Variants in EMC2 observed in about 807,000 individuals in gnomAD.
EMC2 encodes the protein TPR repeat protein 35.
A neutral mutation model predicts 51.6 loss-of-function variants in EMC2; 37 were observed. That is an observed-to-expected ratio of 0.72 (90% confidence interval 0.55 to 0.94). EMC2 has a LOEUF of 0.94. Among genes scored for constraint, EMC2 ranks in the 40% least tolerant of loss-of-function variants. The probability of loss-of-function intolerance (pLI) is 0.00; values close to 1 mark genes in which losing one functional copy is unlikely to be tolerated. For missense variants in EMC2, 359 were observed against 350.9 expected (o/e 1.02, Z -0.18); for synonymous variants, 131 against 112.4 (o/e 1.17, Z -1.04).
chr8:108,467,441 C>T (rs1470731392), intron 5 of EMC2, among the ~76,000 whole-genome samples: 6 of 152,064 alleles, frequency 3.9e-5, no homozygotes, highest in South Asian at 2.1e-4. Flanking sequence ...CTCCACCTCC[C>T]GGGTTCAGTT....
chr8:108,443,694 G>A lies in EMC2; in HGVS notation c.36G>A (p.Trp12Ter), dbSNP rs542563663. 2 of 1,609,640 alleles carry A rather than the reference G, an allele frequency of 1.2e-6. No homozygotes were observed. The highest frequency in any genetic ancestry group is 1.3e-5 in the African/African-American group (1 of 74,824). ...TCTCAGAGCTTTACGATGTCACTTGGGAAGGTAACTTCGGGTGGGGGCGGG... is the reference window on the plus strand; with the variant it reads ...TCTCAGAGCTTTACGATGTCACTTGAGAAGGTAACTTCGGGTGGGGGCGGG... ...AKVSELYDVT[W>*]EEMRDKMRKW... Residue 12 changes from tryptophan to a stop codon, truncating the protein, a stop_gained, in exon 1 of 11, where the codon TGG (tryptophan) becomes TGA (stop). Transcript: ENST00000220853. LOFTEE classifies it high-confidence loss of function.
chr8:108,447,784 T>C (rs946559123), intron 1 of EMC2, among the ~76,000 whole-genome samples: 1 of 152,104 alleles, frequency 6.6e-6, no homozygotes, highest in Non-Finnish European at 1.5e-5. Context: ...TTACATAGTA[T>C]GTAATAAAAT....
chr8:108,470,082 C>A lies in EMC2; in HGVS notation c.470C>A (p.Ala157Asp). ...ACCAGATTTGTTGGAGACCAAGAAG[C>A]CTGGCATGAACTTGCAGAACTTTAC... The part of the protein sequence containing the change: ...YLEQFVGDQE[A>D]WHELAELYIN... The change falls in exon 7 of 11, where the codon GCC (alanine) becomes GAC (aspartate). Residue 157 changes from alanine to aspartate, a missense_variant. By Grantham distance (126) the Ala-to-Asp change is moderately radical. Coordinates refer to ENST00000220853, the MANE Select transcript of EMC2 (RefSeq NM_014673.5). 6.2e-7 allele frequency: 1 copy of A among 1,612,976 alleles called. No individual in the cohort carries two copies. The highest frequency in any genetic ancestry group is 8.5e-7 in the Non-Finnish European group (1 of 1,179,414).
intron 5 of EMC2, among the ~76,000 whole-genome samples, chr8:108,462,762 A>G (rs1216499009): frequency 1.3e-5 from 2 of 150,778 alleles, no homozygotes; most frequent in Non-Finnish European, 2.9e-5. Context: ...TTTGAGAAGG[A>G]GTCTCGCTCT....
At position 108,488,301 on chromosome 8, in the gene EMC2, C is replaced by T. The variant is rs1249715300; in HGVS notation, c.*1703C>T. ...CTCAGCCTCTGAGTAGCTGGGACTA[C>T]AGGCATGTGCCACCATGCCTGGCTA... On this transcript the variant is annotated 3_prime_UTR_variant, in exon 11 of 11. Coordinates refer to ENST00000220853, the MANE Select transcript of EMC2 (RefSeq NM_014673.5). Among the ~76,000 whole-genome samples the T allele has an allele frequency of 7.2e-5, 11 of 151,798 alleles. No homozygotes were observed. The highest frequency in any genetic ancestry group is 2.2e-4 in the African/African-American group (9 of 41,328).
At chr8:108,458,152 G>A (rs187249671) in intron 5 of EMC2, among the ~76,000 whole-genome samples, 5 of 152,352 alleles carry the variant, frequency 3.3e-5, no homozygotes, top group African/African-American at 1.2e-4. Flanking sequence ...TGCAGGAGGT[G>A]GATTCCTATG....
intron 5 of EMC2, among the ~76,000 whole-genome samples, chr8:108,460,528 TCA>T (rs1257401329): frequency 6.6e-6 from 1 of 152,110 alleles, no homozygotes; most frequent in Non-Finnish European, 1.5e-5. Flanking sequence ...ATGTGATGAG[TCA>T]CAGTCAAAAC....
chr8:108,452,004 A>T (rs1422422032), intron 3 of EMC2, among the ~76,000 whole-genome samples: 1 of 152,196 alleles, frequency 6.6e-6, no homozygotes, highest in East Asian at 1.9e-4. Flanking sequence ...TTACCAGTTA[A>T]TAGTTTCATC....
Position 108,455,857 on chromosome 8 carries a change from T to C in EMC2, c.306-16T>C. ...TAAGGTAATAATTGTAGATGTTTCT[T>C]TTTCTTTTTAAATAGATATGATGAT... is the stretch of plus-strand genomic sequence containing the variant. On this transcript the variant is annotated splice_polypyrimidine_tract_variant and intron_variant, in intron 4 of 10. Transcript: ENST00000220853. The C allele has an allele frequency of 1.0e-6, 1 of 988,254 alleles. No homozygotes were observed. Among genetic ancestry groups the C allele is most frequent in the Non-Finnish European group, 1.5e-6 (1 of 670,270 alleles). 61.2% of individuals were successfully genotyped at this position (988,254 alleles called of 1,614,324 possible). A position where few individuals can be genotyped will look rare whatever the true frequency, so the allele number is the denominator to read the frequency against.
chr8:108,457,785 T>G (rs996842970), intron 5 of EMC2, among the ~76,000 whole-genome samples: 1 of 152,162 alleles, frequency 6.6e-6, no homozygotes, highest in African/African-American at 2.4e-5. Context: ...ATTCTGCCCC[T>G]GGCCCCTCCC....
intron 10 of EMC2, among the ~76,000 whole-genome samples, chr8:108,485,554 TAC>T (rs1167425076): frequency 8.5e-4 from 13 of 15,210 alleles, no homozygotes; most frequent in Non-Finnish European, 1.3e-3. Flanking sequence ...TATATATATA[TAC>T]ACACACACAC....
chr8:108,447,930 T>A (rs7840317), intron 1 of EMC2, among the ~76,000 whole-genome samples: 104,740 of 151,366 alleles, frequency 0.69, 36,968 homozygotes, highest in African/African-American at 0.84. Context: ...CAGATTTTTT[T>A]AAAAAATAAA....
intron 3 of EMC2, among the ~76,000 whole-genome samples, chr8:108,452,423 T>C (rs1819050350): frequency 6.6e-6 from 1 of 151,942 alleles, no homozygotes; most frequent in Non-Finnish European, 1.5e-5. Context: ...AAAAATGAGC[T>C]GGGTGTGGTG....
chr8:108,463,651 A>G (rs1487615712), intron 5 of EMC2, among the ~76,000 whole-genome samples: 4 of 152,074 alleles, frequency 2.6e-5, no homozygotes, highest in African/African-American at 9.7e-5. Context: ...TTTATTTATG[A>G]ATTAGATGTA....
chr8:108,446,548 C>T (rs1818882052), intron 1 of EMC2, among the ~76,000 whole-genome samples: 1 of 152,018 alleles, frequency 6.6e-6, no homozygotes, highest in Non-Finnish European at 1.5e-5. Flanking sequence ...ATACAAAACT[C>T]CCACAGTGGG....
rs569613381 is a variant in EMC2, at chr8:108,485,265, A to G, written c.808-1247A>G. Among the ~76,000 whole-genome samples, 5 of 151,616 alleles carry G rather than the reference A, an allele frequency of 3.3e-5. No homozygotes were observed. In the South Asian group the frequency reaches 1.0e-3, roughly 31 times the overall value. On this transcript the variant is annotated intron_variant, in intron 10 of 10. Coordinates refer to ENST00000220853, the MANE Select transcript of EMC2 (RefSeq NM_014673.5). ...AGAAACACATCATAAATCAAGTACT[A>G]AGTGCTTAAGACAGCATTGTTACTT...
rs200454182 is a variant in EMC2 at position 108,450,400 on chromosome 8, G to A, written c.155-28G>A. On this transcript the variant is annotated intron_variant, in intron 2 of 10. Coordinates refer to ENST00000220853, the MANE Select transcript of EMC2 (RefSeq NM_014673.5). Reference sequence around the variant, plus strand: ...TGGGTTTGTTTTAATATTAAATTCAGTTTTTTTCCCCCTTTATGTGTATCT... The same window carrying A: ...TGGGTTTGTTTTAATATTAAATTCAATTTTTTTCCCCCTTTATGTGTATCT... 194 of 1,417,860 alleles carry A rather than the reference G, an allele frequency of 1.4e-4. 1 individual carries two copies. The African/African-American group carries it at 2.1e-3, about 16-fold the overall frequency. The allele number at this position is 1,417,860 out of a possible 1,614,324, so 87.8% of individuals were successfully genotyped here. A position where few individuals can be genotyped will look rare whatever the true frequency, so the allele number is the denominator to read the frequency against.
At chr8:108,447,496 T>C (rs1310952161) in intron 1 of EMC2, among the ~76,000 whole-genome samples, 1 of 152,180 alleles carries the variant, frequency 6.6e-6, no homozygotes, top group East Asian at 1.9e-4. Flanking sequence ...TTTATGTAAA[T>C]GAATCTGTAA....
At chr8:108,481,100 T>C (rs1811037023) in intron 10 of EMC2, among the ~76,000 whole-genome samples, 1 of 152,246 alleles carries the variant, frequency 6.6e-6, no homozygotes, top group South Asian at 2.1e-4. Flanking sequence ...CATAGTCACA[T>C]TCTAGGGTTT....
Sources: gnomAD v4.1 joint callset for allele counts (sites outside exome capture counted in the v4.1 genomes callset) on GRCh38, gnomAD v4.1.1 for gene constraint, MANE v1.5 for transcripts, NCBI Gene and HGNC (gene_info 2026-07-23, HGNC 2026-07-21) for gene names.